Variants in SMCHD1 observed in about 807,000 individuals in gnomAD.
SMCHD1 encodes structural maintenance of chromosomes flexible hinge domain containing 1.
A neutral mutation model predicts 254.7 loss-of-function variants in SMCHD1; 78 were observed. That is an observed-to-expected ratio of 0.31 (90% CI 0.26 to 0.37). The LOEUF (loss-of-function observed/expected upper bound fraction) is 0.37, where lower values mean the gene tolerates loss of function less well. Among genes scored for constraint, SMCHD1 ranks in the 10% least tolerant of loss-of-function variants. The pLI is 1.00. For synonymous variants in SMCHD1, 766 were observed against 794.9 expected, an observed-to-expected ratio of 0.96 and a Z score of 0.61; for missense variants, 1,840 against 2,408.1, an observed-to-expected ratio of 0.76 and a Z score of 4.94.
chr18:2,670,012 T>C (rs936212485), intron 3 of SMCHD1, among the ~76,000 whole-genome samples: 6 of 152,188 alleles, frequency 3.9e-5, no homozygotes, highest in Admixed American at 1.3e-4. Context: ...GAGGCACCAT[T>C]GTATCACCCA....
rs1346520388 is a variant in SMCHD1 at position 2,722,643 on chromosome 18, T to A, written c.2583T>A (p.Ile861=). 6.2e-7 allele frequency: 1 copy of A among 1,611,320 alleles called. No individual in the cohort carries two copies. The highest frequency in any genetic ancestry group is 1.1e-5 in the South Asian group (1 of 90,076). ...FGHTSQLVTD[I]QPVLEASGLS... is the part of the protein sequence containing the mutation. ...ATACCAGTCAACTAGTAACTGATAT[T>A]CAGCCAGTTCTTGAAGCAAGGTAAT... Residue 861 remains isoleucine (I), a synonymous_variant, in exon 20 of 48, where the codon ATT becomes ATA. Coordinates refer to ENST00000320876, the MANE Select transcript of SMCHD1 (RefSeq NM_015295.3).
rs182413368 is a variant in SMCHD1 at position 2,779,232 on chromosome 18, T to C, written c.5547+993T>C. On this transcript the variant is annotated intron_variant, in intron 44 of 47. Transcript: ENST00000320876. ...CCTCTTTGTAGATTTCTCCAAGTGA[T>C]GTTGGCTAGTTGAACTGGGGTGGTG... is the stretch of plus-strand genomic sequence containing the variant. Among the ~76,000 whole-genome samples the C allele has an allele frequency of 2.0e-3, 312 of 152,304 alleles. 1 individual carries two copies. The highest frequency in any genetic ancestry group is 7.0e-3 in the African/African-American group (291 of 41,560).
At chr18:2,779,322 G>A (rs1702549572) in intron 44 of SMCHD1, among the ~76,000 whole-genome samples, 1 of 152,094 alleles carries the variant, frequency 6.6e-6, no homozygotes, top group Non-Finnish European at 1.5e-5. Flanking sequence ...GGCATCAGCT[G>A]GTATTAGCCA....
chr18:2,786,689 T>C (rs923436592), intron 45 of SMCHD1, among the ~76,000 whole-genome samples: 4 of 151,944 alleles, frequency 2.6e-5, no homozygotes, highest in African/African-American at 7.3e-5. Context: ...CAAAACTCCA[T>C]ATAAAAAAAA....
intron 22 of SMCHD1, among the ~76,000 whole-genome samples, chr18:2,727,461 ACATT>A (rs1171929441): frequency 3.3e-5 from 5 of 152,100 alleles, no homozygotes; most frequent in African/African-American, 1.2e-4. Flanking sequence ...GTATCAACAA[ACATT>A]CATTTATTTG....
intron 44 of SMCHD1, chr18:2,779,166 A>T (rs1387832151): frequency 6.6e-6 from 1 of 151,438 alleles, no homozygotes; most frequent in African/African-American, 2.4e-5. Context: ...TGCTATATAT[A>T]TAACACTCTA....
rs761176866 is a variant in SMCHD1, at chr18:2,700,852, G to A, written c.1581G>A (p.Thr527=). The A allele has an allele frequency of 6.2e-6, 10 of 1,612,740 alleles. No individual in the cohort carries two copies. Among genetic ancestry groups the A allele is most frequent in the East Asian group, 4.5e-5 (2 of 44,816 alleles). ...DKFQVSTNKL[T]FMDLELKLKD... is the part of the protein sequence containing the mutation. ...TCCAGGTCAGCACAAATAAATTGAC[G>A]TTTATGGATCTTGAGCTAAAATTGA... is the stretch of plus-strand genomic sequence containing the variant. The change falls in exon 12 of 48, where the codon ACG becomes ACA. Residue 527 remains threonine, a synonymous_variant. Coordinates refer to ENST00000320876, the MANE Select transcript of SMCHD1 (RefSeq NM_015295.3).
At chr18:2,762,324 G>C in intron 36 of SMCHD1, 88 bp downstream of exon 36, 1 of 1,278,316 alleles carries the variant, frequency 7.8e-7, no homozygotes, top group Non-Finnish European at 1.1e-6. Context: ...TATGGATTCT[G>C]TCAGTTACTC....
At chr18:2,779,225 C>T (rs1019521044) in intron 44 of SMCHD1, among the ~76,000 whole-genome samples, 1 of 152,130 alleles carries the variant, frequency 6.6e-6, no homozygotes, top group Non-Finnish European at 1.5e-5. Flanking sequence ...TAGATTTCTC[C>T]AAGTGATGTT....
chr18:2,671,401 A>G (rs1041095427), intron 3 of SMCHD1, among the ~76,000 whole-genome samples: 7 of 152,178 alleles, frequency 4.6e-5, no homozygotes, highest in African/African-American at 1.7e-4. Flanking sequence ...AAACCATATC[A>G]GTTGAAAACC....
rs780941263 is a variant in SMCHD1 at position 2,769,940 on chromosome 18, G to T, written c.4847-49G>T. 3.9e-6 allele frequency: 6 copies of T among 1,538,764 alleles called. No homozygotes were observed. The East Asian group carries it at 1.4e-4, about 36-fold the overall frequency. On this transcript the variant is annotated intron_variant, in intron 38 of 47. Coordinates refer to ENST00000320876, the MANE Select transcript of SMCHD1 (RefSeq NM_015295.3). ...TCTAACCACTTTATGACATATTTTA[G>T]AAAAGTCAGTTTTTAAATTATTTAA...
At chr18:2,660,472 G>GTTTTT (rs547130890) in intron 1 of SMCHD1, among the ~76,000 whole-genome samples, 2 of 126,160 alleles carry the variant, frequency 1.6e-5, no homozygotes, top group African/African-American at 6.3e-5. Flanking sequence ...AAAATCCATG[G>GTTTTT]TTTTTTTTTT....
At chr18:2,774,929 C>T (rs1021059229) in intron 41 of SMCHD1, among the ~76,000 whole-genome samples, 2 of 152,184 alleles carry the variant, frequency 1.3e-5, no homozygotes, top group Non-Finnish European at 2.9e-5. Context: ...CACCCTTGAA[C>T]CTTGTTACAC....
rs748686759 is a variant in SMCHD1 at position 2,656,074 on chromosome 18, A to G, written c.-2A>G. ...TCGCTGTCTTTTCTCCTTTTCCCCA[A>G]TATGGCAGCGGCGGACGGCGGCGGG... On this transcript the variant is annotated 5_prime_UTR_variant, in exon 1 of 48. Transcript: ENST00000320876. 5.7e-6 allele frequency: 8 copies of G among 1,402,422 alleles called. No homozygotes were observed. The highest frequency in any genetic ancestry group is 7.4e-6 in the Non-Finnish European group (8 of 1,074,854). The allele number at this position is 1,402,422 out of a possible 1,614,324, so 86.9% of individuals were successfully genotyped here.
At chr18:2,775,642 A>C in intron 41 of SMCHD1, 92 bp from the exon 42 acceptor site, 1 of 977,436 alleles carries the variant, frequency 1.0e-6, no homozygotes, top group Non-Finnish European at 1.4e-6. Context: ...GTTTCAGAGA[A>C]GTTTTTGTTA....
At chr18:2,752,885 T>C (rs2143634333) in intron 34 of SMCHD1, 1 of 198,062 alleles carries the variant, frequency 5.0e-6, no homozygotes, top group South Asian at 9.1e-5. Flanking sequence ...TTCTGTGACT[T>C]TGAGCATGTT....
At chr18:2,657,461 G>C (rs1279835806) in intron 1 of SMCHD1, among the ~76,000 whole-genome samples, 1 of 152,122 alleles carries the variant, frequency 6.6e-6, no homozygotes, top group Non-Finnish European at 1.5e-5. Context: ...TTTCTATTCA[G>C]AACCATTCTA....
intron 10 of SMCHD1, among the ~76,000 whole-genome samples, chr18:2,699,767 C>T (rs2074361140): frequency 6.6e-6 from 1 of 152,168 alleles, no homozygotes; most frequent in African/African-American, 2.4e-5. Context: ...AGGGATTCTC[C>T]TCTAAGAGCA....
At chr18:2,743,325 G>A (rs994849151) in intron 28 of SMCHD1, among the ~76,000 whole-genome samples, 1 of 152,020 alleles carries the variant, frequency 6.6e-6, no homozygotes, top group African/African-American at 2.4e-5. Context: ...GTAAAGAAGG[G>A]GATAGATAGT....
Sources: allele counts gnomAD v4.1 joint callset (sites outside exome capture counted in the v4.1 genomes callset), GRCh38; gene constraint gnomAD v4.1.1; transcripts MANE v1.5; gene names NCBI Gene and HGNC (gene_info 2026-07-23, HGNC 2026-07-21).